Variants in PPP2R2A observed in about 807,000 individuals in gnomAD.
The protein encoded by PPP2R2A is serine/threonine-protein phosphatase 2A 55 kDa regulatory subunit B alpha isoform.
A neutral mutation model predicts 53.2 loss-of-function variants in PPP2R2A; 9 were observed. The observed-to-expected ratio is 0.17, with a 90% CI of 0.10 to 0.30. The LOEUF (loss-of-function observed/expected upper bound fraction) is 0.30, where lower values mean the gene tolerates loss of function less well. Ranked by LOEUF, PPP2R2A falls within the 10% of genes least tolerant of loss-of-function variation. The pLI, the probability that PPP2R2A is intolerant of heterozygous loss-of-function variation, is 1.00. For missense variants in PPP2R2A, 235 were observed against 534.6 expected, an observed-to-expected ratio of 0.44 and a Z score of 5.53; for synonymous variants, 169 against 174.2, an observed-to-expected ratio of 0.97 and a Z score of 0.23.
intron 3 of PPP2R2A, among the ~76,000 whole-genome samples, chr8:26,350,993 A>G (rs1247517788): frequency 6.7e-6 from 1 of 149,856 alleles, no homozygotes; most frequent in East Asian, 1.9e-4. Context: ...CTTTTTTAAA[A>G]AACAAAACAA....
At chr8:26,325,864 C>T (rs1008749045) in intron 2 of PPP2R2A, among the ~76,000 whole-genome samples, 2 of 152,156 alleles carry the variant, frequency 1.3e-5, no homozygotes, top group Non-Finnish European at 2.9e-5. Context: ...GATAGGGCCT[C>T]ACCCTGTCAC....
intron 2 of PPP2R2A, among the ~76,000 whole-genome samples, chr8:26,334,077 A>G (rs1374733522): frequency 2.6e-5 from 4 of 152,176 alleles, no homozygotes; most frequent in African/African-American, 9.7e-5. Context: ...TTGGAAGTCA[A>G]TGTGTATCTA....
intron 3 of PPP2R2A, among the ~76,000 whole-genome samples, chr8:26,348,597 T>A (rs1240163662): frequency 6.6e-6 from 1 of 152,104 alleles, no homozygotes; most frequent in Non-Finnish European, 1.5e-5. Context: ...TGGAAAAAAA[T>A]GTGAAATCTG....
chr8:26,309,207 C>T (rs1421183619), intron 2 of PPP2R2A, among the ~76,000 whole-genome samples: 5 of 152,296 alleles, frequency 3.3e-5, no homozygotes, highest in Admixed American at 2.0e-4. Flanking sequence ...GTCAGAATCA[C>T]GCCTTGATCC....
chr8:26,334,724 G>T (rs968340459), intron 2 of PPP2R2A, among the ~76,000 whole-genome samples: 1 of 151,870 alleles, frequency 6.6e-6, no homozygotes, highest in African/African-American at 2.4e-5. Context: ...CAGCCTGGGC[G>T]GCAGAGTAAG....
intron 2 of PPP2R2A, among the ~76,000 whole-genome samples, chr8:26,324,202 C>T (rs1005512222): frequency 1.3e-5 from 2 of 152,216 alleles, no homozygotes; most frequent in African/African-American, 4.8e-5. Context: ...GCCTAAGTCA[C>T]CACCTCAGAG....
At position 26,302,187 on chromosome 8, in the gene PPP2R2A, A is replaced by G. The variant is rs1261653169; in HGVS notation, c.82+8447A>G. On this transcript the variant is annotated intron_variant, in intron 2 of 9. Coordinates refer to ENST00000380737, the MANE Select transcript of PPP2R2A (RefSeq NM_002717.4). ...GAACTATAGTTATTCAGACTTGGATATTTGGTGGACATTTTCTCAAAAGAA... is the reference window on the plus strand; with the variant it reads ...GAACTATAGTTATTCAGACTTGGATGTTTGGTGGACATTTTCTCAAAAGAA... Among the ~76,000 whole-genome samples the G allele has an allele frequency of 3.2e-4, 48 of 152,188 alleles. 1 individual carries two copies. The highest frequency in any genetic ancestry group is 3.1e-3 in the Admixed American group (47 of 15,274).
intron 3 of PPP2R2A, among the ~76,000 whole-genome samples, chr8:26,344,327 G>T (rs1209650522): frequency 1.3e-5 from 2 of 152,136 alleles, no homozygotes; most frequent in East Asian, 1.9e-4. Context: ...TAGGTAAGTG[G>T]GTAAAAGCTA....
chr8:26,346,020 A>C (rs1804194675), intron 3 of PPP2R2A, among the ~76,000 whole-genome samples: 1 of 151,288 alleles, frequency 6.6e-6, no homozygotes, highest in South Asian at 2.1e-4. Flanking sequence ...TTCCCTTTTA[A>C]ATTTATTATT....
At chr8:26,305,082 C>T (rs748340765) in intron 2 of PPP2R2A, among the ~76,000 whole-genome samples, 10 of 152,246 alleles carry the variant, frequency 6.6e-5, no homozygotes, top group Non-Finnish European at 1.2e-4. Context: ...CCTTCTTCCC[C>T]TCCCCTCAGC....
At chr8:26,339,361 T>C (rs1184833825) in intron 3 of PPP2R2A, among the ~76,000 whole-genome samples, 2 of 152,174 alleles carry the variant, frequency 1.3e-5, no homozygotes, top group Non-Finnish European at 2.9e-5. Context: ...TGGTTTACTT[T>C]GTACAATTGA....
intron 2 of PPP2R2A, among the ~76,000 whole-genome samples, chr8:26,319,822 CTTTAA>C (rs1802743235): frequency 1.3e-5 from 2 of 152,014 alleles, no homozygotes; most frequent in Non-Finnish European, 2.9e-5. Context: ...TTATTTATGT[CTTTAA>C]TTTATTTTAG....
chr8:26,323,523 A>G (rs1017632718), intron 2 of PPP2R2A, among the ~76,000 whole-genome samples: 2 of 152,182 alleles, frequency 1.3e-5, no homozygotes, highest in African/African-American at 4.8e-5. Flanking sequence ...GTGGCCATAC[A>G]TAGAGGTTAC....
chr8:26,342,367 A>G (rs4871973), intron 3 of PPP2R2A, among the ~76,000 whole-genome samples: 98,338 of 152,102 alleles, frequency 0.65, 32,179 homozygotes, highest in East Asian at 0.85. Context: ...TTTGTTAATG[A>G]AAATATTAAT....
In PPP2R2A at chr8:26,371,981, C is replaced by G. The variant is rs939977768; in HGVS notation, c.*1568C>G. ...CTTATTTTGGTGGAACATAATGTAA[C>G]AACCTTGAATTTCAGAGGACTCTGA... On this transcript the variant is annotated 3_prime_UTR_variant, in exon 10 of 10. Coordinates refer to ENST00000380737, the MANE Select transcript of PPP2R2A (RefSeq NM_002717.4). 1 of 152,134 alleles carries G rather than the reference C, an allele frequency of 6.6e-6. No homozygotes were observed. Among genetic ancestry groups the G allele is most frequent in the Non-Finnish European group, 1.5e-5 (1 of 68,004 alleles). 9.4% of individuals were successfully genotyped at this position (152,134 alleles called of 1,614,324 possible). A position where few individuals can be genotyped will look rare whatever the true frequency, so the allele number is the denominator to read the frequency against.
chr8:26,343,667 C>G (rs1196025027), intron 3 of PPP2R2A, among the ~76,000 whole-genome samples: 1 of 151,934 alleles, frequency 6.6e-6, no homozygotes, highest in Non-Finnish European at 1.5e-5. Context: ...CGTGAGCCAC[C>G]GTGCCTGGCC....
chr8:26,362,417 A>G lies in PPP2R2A; in HGVS notation c.638-267A>G, dbSNP rs1805153833. Among the ~76,000 whole-genome samples the G allele has an allele frequency of 1.3e-5, 2 of 151,868 alleles. No homozygotes were observed. The highest frequency in any genetic ancestry group is 1.3e-4 in the Admixed American group (2 of 15,266). ...CTTTTCTGGAGACTGATGCAGTAGAATCGCTTGAACCTGGGAGTCGGAGGC... is the reference window on the plus strand; with the variant it reads ...CTTTTCTGGAGACTGATGCAGTAGAGTCGCTTGAACCTGGGAGTCGGAGGC... On this transcript the variant is annotated intron_variant, in intron 6 of 9. Transcript: ENST00000380737. This position sits in a 1 kb window ranked among gnomAD's most constrained non-coding sequence, Gnocchi z 4.4.
At chr8:26,331,821 A>G (rs563104592) in intron 2 of PPP2R2A, among the ~76,000 whole-genome samples, 2 of 152,292 alleles carry the variant, frequency 1.3e-5, no homozygotes, top group African/African-American at 2.4e-5. Flanking sequence ...TTATCTTAAG[A>G]TTTATGCTAT....
At chr8:26,357,400 G>A (rs554997053) in intron 4 of PPP2R2A, among the ~76,000 whole-genome samples, 2 of 150,390 alleles carry the variant, frequency 1.3e-5, no homozygotes, top group South Asian at 4.2e-4. Flanking sequence ...AAAAATATTT[G>A]CATTGGCTTT....
Sources: allele counts gnomAD v4.1 joint callset (sites outside exome capture counted in the v4.1 genomes callset), GRCh38; gene constraint gnomAD v4.1.1; non-coding constraint Gnocchi (gnomAD v3.1); transcripts MANE v1.5; gene names NCBI Gene and HGNC (gene_info 2026-07-23, HGNC 2026-07-21).